NR2F1-AS1: variants seen among roughly 807,000 people sequenced by gnomAD.
NR2F1-AS1 encodes NR2F1 regulatory antisense RNA 1.
rs565701843 is a variant in NR2F1-AS1 at position 93,416,411 on chromosome 5, T to G, written n.639-20869A>C. Among the ~76,000 whole-genome samples the G allele has an allele frequency of 3.3e-5, 5 of 152,342 alleles. No individual in the cohort carries two copies. The South Asian group carries it at 1.0e-3, about 32-fold the overall frequency. ...TCCTTCTCTATAATTTTTACCTACT[T>G]AAAATTCTCATATAGAACAGAGATT... is the stretch of plus-strand genomic sequence containing the variant. On this transcript the variant is annotated intron_variant and non_coding_transcript_variant, in intron 4 of 5. Coordinates refer to ENST00000660523, the Ensembl canonical transcript of NR2F1-AS1.
At chr5:93,419,246 G>C (rs992814843) in intron 4 of NR2F1-AS1, among the ~76,000 whole-genome samples, 6 of 152,170 alleles carry the variant, frequency 3.9e-5, no homozygotes, top group African/African-American at 1.4e-4. Flanking sequence ...TGGACAACAT[G>C]TATAGAGTGA....
intron 4 of NR2F1-AS1, among the ~76,000 whole-genome samples, chr5:93,479,539 A>C (rs906266512): frequency 2.0e-5 from 3 of 152,302 alleles, no homozygotes; most frequent in African/African-American, 2.4e-5. Flanking sequence ...CAACAACAAC[A>C]ACCCTTCATG....
intron 1 of NR2F1-AS1, among the ~76,000 whole-genome samples, chr5:93,572,682 C>G (rs897421802): frequency 2.0e-5 from 3 of 152,236 alleles, no homozygotes; most frequent in Non-Finnish European, 2.9e-5. Context: ...CCTTTTCCCC[C>G]CACCGAGCAA....
At chr5:93,444,037 G>T (rs1329526054) in intron 4 of NR2F1-AS1, among the ~76,000 whole-genome samples, 1 of 152,122 alleles carries the variant, frequency 6.6e-6, no homozygotes, top group South Asian at 2.1e-4. Flanking sequence ...CCCTAAAAGA[G>T]CTCCTGAAGG....
At chr5:93,459,519 TA>T (rs1750043617) in intron 4 of NR2F1-AS1, among the ~76,000 whole-genome samples, 1 of 152,192 alleles carries the variant, frequency 6.6e-6, no homozygotes, top group African/African-American at 2.4e-5. Flanking sequence ...TTTGTTTATT[TA>T]AAATTGGTGA....
At chr5:93,496,031 A>G (rs903544073) in intron 4 of NR2F1-AS1, 2 of 152,188 alleles carry the variant, frequency 1.3e-5, no homozygotes, top group Non-Finnish European at 2.9e-5. Flanking sequence ...ACTATGATGT[A>G]ATATTAGAAG....
At chr5:93,546,268 T>C (rs1457243076) in intron 4 of NR2F1-AS1, among the ~76,000 whole-genome samples, 1 of 152,214 alleles carries the variant, frequency 6.6e-6, no homozygotes, top group Non-Finnish European at 1.5e-5. Flanking sequence ...GAGAGGAGTT[T>C]CTACTTATAG....
intron 4 of NR2F1-AS1, among the ~76,000 whole-genome samples, chr5:93,524,750 C>T (rs1310573267): frequency 2.6e-5 from 4 of 152,130 alleles, no homozygotes; most frequent in African/African-American, 9.7e-5. Context: ...TCACATCCAG[C>T]CAAACTAAGC....
chr5:93,579,252 G>A lies in NR2F1-AS1; in HGVS notation n.313+1215C>T, dbSNP rs1417602508. Among the ~76,000 whole-genome samples, 1 of 152,104 alleles carries A rather than the reference G, an allele frequency of 6.6e-6. No individual in the cohort carries two copies. Among genetic ancestry groups the A allele is most frequent in the Non-Finnish European group, 1.5e-5 (1 of 68,016 alleles). On this transcript the variant is annotated intron_variant and non_coding_transcript_variant, in intron 1 of 5. Transcript: ENST00000660523. This position sits in a 1 kb window ranked among gnomAD's most constrained non-coding sequence, Gnocchi z 5.1. ...CCGCTCCCCTCCTCCGAAAAGCCGCGGGCTTCCGCTGCTCCGGGCATCACC... is the reference window on the plus strand; with the variant it reads ...CCGCTCCCCTCCTCCGAAAAGCCGCAGGCTTCCGCTGCTCCGGGCATCACC...
At chr5:93,573,576 A>C (rs1457663895) in intron 1 of NR2F1-AS1, among the ~76,000 whole-genome samples, 2 of 152,192 alleles carry the variant, frequency 1.3e-5, no homozygotes, top group African/African-American at 4.8e-5. Context: ...GGCCACAATA[A>C]ATTTAACCAA....
At chr5:93,514,742 C>T (rs904734443) in intron 4 of NR2F1-AS1, among the ~76,000 whole-genome samples, 8 of 151,878 alleles carry the variant, frequency 5.3e-5, no homozygotes, top group Admixed American at 1.3e-4. Flanking sequence ...AAAGGCTAAC[C>T]AATTAATTTT....
intron 1 of NR2F1-AS1, among the ~76,000 whole-genome samples, chr5:93,573,897 A>G (rs1752834708): frequency 6.6e-6 from 1 of 152,186 alleles, no homozygotes; most frequent in African/African-American, 2.4e-5. Context: ...TATTAGATTT[A>G]TGGTCTCTTT....
intron 4 of NR2F1-AS1, among the ~76,000 whole-genome samples, chr5:93,491,054 CGGT>C (rs1561465772): frequency 1.1e-5 from 1 of 91,692 alleles, no homozygotes; most frequent in Non-Finnish European, 2.2e-5. Flanking sequence ...GTGGTGGTGG[CGGT>C]GGTGGTCGTT....
chr5:93,556,577 C>A (rs184584283), intron 2 of NR2F1-AS1, among the ~76,000 whole-genome samples: 1 of 152,262 alleles, frequency 6.6e-6, no homozygotes, highest in East Asian at 1.9e-4. Flanking sequence ...AAGACAAAAT[C>A]ATTAGGGTGG....
At chr5:93,472,142 A>G (rs991065039) in intron 4 of NR2F1-AS1, among the ~76,000 whole-genome samples, 25 of 151,980 alleles carry the variant, frequency 1.6e-4, no homozygotes, top group African/African-American at 6.0e-4. Context: ...ATTTGAACCC[A>G]GCCTTTTCAT....
At chr5:93,565,897 C>T (rs1266269801) in intron 1 of NR2F1-AS1, among the ~76,000 whole-genome samples, 2 of 151,288 alleles carry the variant, frequency 1.3e-5, no homozygotes, top group African/African-American at 2.4e-5. Flanking sequence ...ACAAATAGCA[C>T]AAAACACAAA....
chr5:93,485,498 G>A (rs550252724), intron 4 of NR2F1-AS1, among the ~76,000 whole-genome samples: 9 of 152,264 alleles, frequency 5.9e-5, no homozygotes, highest in African/African-American at 1.9e-4. Context: ...ACGCCCTGAG[G>A]AGAAAGCAGG....
chr5:93,481,145 T>C (rs908660978), intron 4 of NR2F1-AS1, among the ~76,000 whole-genome samples: 3 of 151,910 alleles, frequency 2.0e-5, no homozygotes, highest in South Asian at 4.2e-4. Flanking sequence ...CCCAAAGATA[T>C]AATAAGTTAA....
intron 2 of NR2F1-AS1, among the ~76,000 whole-genome samples, chr5:93,562,339 T>A (rs1469238305): frequency 1.3e-5 from 2 of 152,210 alleles, no homozygotes; most frequent in African/African-American, 2.4e-5. Flanking sequence ...CTTCCTAGGC[T>A]GGAGTGCAGT....
Sources: gnomAD v4.1 joint callset for allele counts (sites outside exome capture counted in the v4.1 genomes callset) on GRCh38, gnomAD v4.1.1 for gene constraint, Gnocchi (gnomAD v3.1) non-coding constraint, MANE v1.5 for transcripts, NCBI Gene and HGNC (gene_info 2026-07-23, HGNC 2026-07-21) for gene names.